Variants in CNTNAP5 observed in about 807,000 individuals in gnomAD.
CNTNAP5 encodes the protein contactin-associated protein-like 5.
Under a neutral mutation model 150.2 loss-of-function variants are expected in CNTNAP5, and 72 were observed. That is an observed-to-expected ratio of 0.48 (90% confidence interval 0.40 to 0.58). CNTNAP5 has a LOEUF of 0.58. CNTNAP5 is among the 20% of genes least tolerant of loss of function. The probability of loss-of-function intolerance (pLI) is 0.00; values close to 1 mark genes in which losing one functional copy is unlikely to be tolerated. For synonymous variants in CNTNAP5, 672 were observed against 619.8 expected, an observed-to-expected ratio of 1.08 and a Z score of -1.25; for missense variants, 1,636 against 1,626.2, an observed-to-expected ratio of 1.01 and a Z score of -0.10.
chr2:124,163,108 G>A (rs1684725286), intron 1 of CNTNAP5, among the ~76,000 whole-genome samples: 1 of 152,032 alleles, frequency 6.6e-6, no homozygotes, highest in Admixed American at 6.6e-5. Context: ...TTAAATTTGG[G>A]AACCAACTAC....
chr2:124,242,510 C>T, intron 3 of CNTNAP5, 117 bp downstream of exon 3: 1 of 976,326 alleles, frequency 1.0e-6, no homozygotes, highest in Non-Finnish European at 1.5e-6. Flanking sequence ...TGGTGAGTGC[C>T]CATTAGAAAT....
chr2:124,379,482 TG>T (rs1367865779), intron 3 of CNTNAP5, among the ~76,000 whole-genome samples: 1 of 152,180 alleles, frequency 6.6e-6, no homozygotes, highest in Non-Finnish European at 1.5e-5. Flanking sequence ...TTTCATGGCC[TG>T]ATAGCTTATT....
At chr2:124,644,660 G>A (rs1255397891) in intron 12 of CNTNAP5, among the ~76,000 whole-genome samples, 1 of 152,046 alleles carries the variant, frequency 6.6e-6, no homozygotes, top group Non-Finnish European at 1.5e-5. Context: ...CTGAGACTGG[G>A]GACAAGTCTA....
intron 1 of CNTNAP5, among the ~76,000 whole-genome samples, chr2:124,049,737 C>G (rs1046796171): frequency 5.3e-5 from 8 of 152,106 alleles, no homozygotes; most frequent in African/African-American, 7.2e-5. Flanking sequence ...TATGTTTTGG[C>G]TTCTATAATA....
chr2:124,868,247 C>T (rs951105514), intron 20 of CNTNAP5, among the ~76,000 whole-genome samples: 3 of 152,144 alleles, frequency 2.0e-5, no homozygotes, highest in Admixed American at 6.5e-5. Flanking sequence ...TTTCCTTTCT[C>T]GTACAGAGAA....
chr2:124,806,746 G>A (rs1451284680), intron 19 of CNTNAP5, among the ~76,000 whole-genome samples: 1 of 152,116 alleles, frequency 6.6e-6, no homozygotes, highest in Non-Finnish European at 1.5e-5. Context: ...TGTAAATGTG[G>A]GATAATCTTG....
intron 3 of CNTNAP5, among the ~76,000 whole-genome samples, chr2:124,373,872 T>C (rs1251025709): frequency 6.6e-6 from 1 of 152,092 alleles, no homozygotes; most frequent in Non-Finnish European, 1.5e-5. Flanking sequence ...TATAGAATGA[T>C]GTACTAAGCT....
intron 14 of CNTNAP5, among the ~76,000 whole-genome samples, chr2:124,749,668 C>A (rs1680682896): frequency 6.6e-6 from 1 of 152,132 alleles, no homozygotes; most frequent in Admixed American, 6.5e-5. Context: ...CCTGCCTCGA[C>A]CTCCCAAAGT....
At position 124,237,265 on chromosome 2, in the gene CNTNAP5, G is replaced by A. The variant is rs556742326; in HGVS notation, c.188-4935G>A. Among the ~76,000 whole-genome samples, 17 of 152,272 alleles carry A rather than the reference G, an allele frequency of 1.1e-4. No individual in the cohort carries two copies. In the South Asian group the frequency reaches 1.2e-3, roughly 11 times the overall value. On this transcript the variant is annotated intron_variant, in intron 2 of 23. Coordinates refer to ENST00000682447, the MANE Select transcript of CNTNAP5 (RefSeq NM_001367498.1). ...TTTTGAAAGACGGTTGTGAAATATC[G>A]TTTTGCAGAGACTAGTATATAATCC...
chr2:124,872,726 G>T (rs1190892216), intron 21 of CNTNAP5, among the ~76,000 whole-genome samples: 2 of 151,506 alleles, frequency 1.3e-5, no homozygotes, highest in Non-Finnish European at 2.9e-5. Context: ...TGGGCTTACG[G>T]ACCACAAAGC....
chr2:124,417,256 G>T (rs997721454), intron 3 of CNTNAP5, among the ~76,000 whole-genome samples, 187 bp from the exon 4 acceptor site: 16 of 152,070 alleles, frequency 1.1e-4, no homozygotes, highest in African/African-American at 3.9e-4. Context: ...ATTTCTTAAA[G>T]AATAATGTGA....
intron 21 of CNTNAP5, 151 bp from the exon 22 acceptor site, chr2:124,902,731 G>A (rs951351878): frequency 9.5e-6 from 5 of 523,728 alleles, no homozygotes; most frequent in Non-Finnish European, 1.7e-5. Context: ...GGGGAAAGGA[G>A]ATAAAGAGAG....
intron 21 of CNTNAP5, among the ~76,000 whole-genome samples, chr2:124,873,550 T>A (rs1396474355): frequency 6.6e-6 from 1 of 152,086 alleles, no homozygotes; most frequent in Non-Finnish European, 1.5e-5. Flanking sequence ...TCTATGAAAG[T>A]TCCCTAGCAG....
chr2:124,090,901 G>A (rs1466107600), intron 1 of CNTNAP5, among the ~76,000 whole-genome samples: 3 of 152,296 alleles, frequency 2.0e-5, no homozygotes, highest in East Asian at 3.9e-4. Context: ...AAGAAAACCT[G>A]TGCTCTGTTC....
At chr2:124,635,289 A>G (rs1454733387) in intron 12 of CNTNAP5, among the ~76,000 whole-genome samples, 3 of 152,290 alleles carry the variant, frequency 2.0e-5, no homozygotes, top group South Asian at 2.1e-4. Flanking sequence ...ACCAGATCCC[A>G]TGAAAACTCT....
intron 10 of CNTNAP5, among the ~76,000 whole-genome samples, chr2:124,555,029 G>A (rs187104855): frequency 2.1e-3 from 318 of 152,196 alleles, no homozygotes; most frequent in African/African-American, 7.5e-3. Context: ...TAAGGGTAAG[G>A]TTCTTCCTAA....
chr2:124,342,345 C>A (rs1274640614), intron 3 of CNTNAP5, among the ~76,000 whole-genome samples: 1 of 152,136 alleles, frequency 6.6e-6, no homozygotes, highest in Non-Finnish European at 1.5e-5. Flanking sequence ...GTTAATCCTG[C>A]TCTTCTCAGT....
intron 1 of CNTNAP5, among the ~76,000 whole-genome samples, chr2:124,204,469 A>G (rs1372805562): frequency 1.3e-5 from 2 of 152,170 alleles, no homozygotes; most frequent in African/African-American, 4.8e-5. Context: ...CTTTCACATC[A>G]TTCTGGGGTA....
At chr2:124,896,085 T>C (rs550819643) in intron 21 of CNTNAP5, among the ~76,000 whole-genome samples, 1 of 151,704 alleles carries the variant, frequency 6.6e-6, no homozygotes, top group South Asian at 2.1e-4. Context: ...ATCAAAATGC[T>C]GAGAATAATG....
Sources: allele counts gnomAD v4.1 joint callset (sites outside exome capture counted in the v4.1 genomes callset), GRCh38; gene constraint gnomAD v4.1.1; transcripts MANE v1.5; gene names NCBI Gene and HGNC (gene_info 2026-07-23, HGNC 2026-07-21).